WWP2: variants seen among roughly 807,000 people sequenced by gnomAD.
WWP2 encodes WW domain containing E3 ubiquitin protein ligase 2.
A neutral mutation model predicts 121.0 loss-of-function variants in WWP2; 57 were observed. That is an observed-to-expected ratio of 0.47 (90% confidence interval 0.38 to 0.59). The LOEUF (loss-of-function observed/expected upper bound fraction) is 0.59. Ranked by LOEUF, WWP2 falls within the 20% of genes least tolerant of loss-of-function variation. The pLI, the probability that WWP2 is intolerant of heterozygous loss-of-function variation, is 0.00. For synonymous variants in WWP2, 449 were observed against 441.3 expected (o/e 1.02, Z -0.22); for missense variants, 962 against 1,158.9 (o/e 0.83, Z 2.47).
At chr16:69,923,313 G>T (rs1402479628) in intron 10 of WWP2, among the ~76,000 whole-genome samples, 1 of 77,184 alleles carries the variant, frequency 1.3e-5, no homozygotes, top group African/African-American at 4.0e-5. Flanking sequence ...TGTGTGTGTT[G>T]GGGGGGTGGG....
chr16:69,806,050 A>T (rs979982579), intron 4 of WWP2, among the ~76,000 whole-genome samples: 1 of 151,932 alleles, frequency 6.6e-6, no homozygotes, highest in Non-Finnish European at 1.5e-5. Flanking sequence ...TTAAAAAAAA[A>T]ATTAGCCAGG....
At chr16:69,788,406 C>T (rs1490193601) in intron 2 of WWP2, among the ~76,000 whole-genome samples, 2 of 152,178 alleles carry the variant, frequency 1.3e-5, no homozygotes, top group Admixed American at 6.5e-5. Context: ...GAAGCCGAAG[C>T]TCCCATGTGA....
chr16:69,939,161 G>A (rs1449955987), intron 22 of WWP2, 38 bp downstream of exon 22: 1 of 1,576,528 alleles, frequency 6.3e-7, no homozygotes, highest in Non-Finnish European at 8.6e-7. Flanking sequence ...CTGGCTGGCA[G>A]TGCGGACAGC....
intron 6 of WWP2, among the ~76,000 whole-genome samples, chr16:69,871,425 G>A (rs942513359): frequency 6.6e-6 from 1 of 152,188 alleles, no homozygotes; most frequent in Non-Finnish European, 1.5e-5. Context: ...AGCTCTTCTT[G>A]CCTAATGGGG....
intron 7 of WWP2, among the ~76,000 whole-genome samples, chr16:69,886,450 A>AG (rs1271133839): frequency 6.6e-6 from 1 of 151,510 alleles, no homozygotes; most frequent in Non-Finnish European, 1.5e-5. Context: ...CCTCACATGA[A>AG]GAAAAAAAAA....
intron 6 of WWP2, 198 bp from the exon 7 acceptor site, chr16:69,871,606 G>A (rs1023802450): frequency 2.2e-5 from 14 of 630,444 alleles, no homozygotes; most frequent in Non-Finnish European, 3.6e-5. Flanking sequence ...GTTACCTTCT[G>A]AGCTTTTACC....
At chr16:69,875,964 A>T (rs570845761) in intron 7 of WWP2, among the ~76,000 whole-genome samples, 2 of 151,448 alleles carry the variant, frequency 1.3e-5, no homozygotes, top group African/African-American at 4.9e-5. Flanking sequence ...TTATTTTTTT[A>T]TTTTTTTGAG....
In WWP2 at chr16:69,797,916, G is replaced by C. The variant is rs150472150; in HGVS notation, c.71-766G>C. Among the ~76,000 whole-genome samples, 296 of 151,572 alleles carry C rather than the reference G, an allele frequency of 2.0e-3. 1 individual carries two copies. Among genetic ancestry groups the C allele is most frequent in the African/African-American group, 6.8e-3 (283 of 41,342 alleles). On this transcript the variant is annotated intron_variant, in intron 2 of 23. Coordinates refer to ENST00000359154, the MANE Select transcript of WWP2 (RefSeq NM_001270454.2). Reference sequence around the variant, plus strand: ...AAAAAAAAAAAAAATTATAAATTTTGTTATGTTCCCAGGCTGGTCTTGAAC... The same window carrying C: ...AAAAAAAAAAAAAATTATAAATTTTCTTATGTTCCCAGGCTGGTCTTGAAC...
intron 4 of WWP2, among the ~76,000 whole-genome samples, chr16:69,819,891 C>G (rs2056561994): frequency 1.3e-5 from 2 of 152,174 alleles, no homozygotes; most frequent in African/African-American, 4.8e-5. Context: ...CCCCTGGCAA[C>G]CACGAATCTA....
intron 4 of WWP2, among the ~76,000 whole-genome samples, chr16:69,819,797 A>G (rs534209341): frequency 2.0e-5 from 3 of 152,308 alleles, no homozygotes; most frequent in East Asian, 1.9e-4. Context: ...TTACTGAGTC[A>G]TGCAGTCATT....
rs2058335216 is a variant in WWP2, at chr16:69,908,677, A to T, written c.915-84A>T. 3 of 1,572,158 alleles carry T rather than the reference A, an allele frequency of 1.9e-6. No homozygotes were observed. In the Admixed American group the frequency reaches 5.4e-5, roughly 28 times the overall value. On this transcript the variant is annotated intron_variant, in intron 8 of 23. Transcript: ENST00000359154. ...TTGATGCTTCCTGTAAATTAGCCACATGAGTGATGAAGGTCTTCCTTTCTA... is the reference window on the plus strand; with the variant it reads ...TTGATGCTTCCTGTAAATTAGCCACTTGAGTGATGAAGGTCTTCCTTTCTA...
intron 1 of WWP2, among the ~76,000 whole-genome samples, chr16:69,763,321 A>G (rs192335331): frequency 2.3e-4 from 35 of 152,314 alleles, no homozygotes; most frequent in African/African-American, 6.3e-4. Context: ...GGTCTGTGTT[A>G]TGTTCCTTAG....
At chr16:69,818,860 C>A (rs894411054) in intron 4 of WWP2, among the ~76,000 whole-genome samples, 2 of 152,170 alleles carry the variant, frequency 1.3e-5, no homozygotes, top group African/African-American at 4.8e-5. Flanking sequence ...CAAGCACATC[C>A]AGCCTCCTTG....
chr16:69,813,816 G>C (rs2056440798), intron 4 of WWP2, among the ~76,000 whole-genome samples: 2 of 152,116 alleles, frequency 1.3e-5, no homozygotes, highest in Non-Finnish European at 2.9e-5. Context: ...TTGGCCAGTG[G>C]CTGCCTCTTC....
intron 1 of WWP2, among the ~76,000 whole-genome samples, chr16:69,783,678 G>A: frequency 6.6e-6 from 1 of 152,104 alleles, no homozygotes; most frequent in Non-Finnish European, 1.5e-5. Flanking sequence ...AGGCTTGGTG[G>A]CTCATGCTTG....
chr16:69,858,464 G>A (rs1370874497), intron 6 of WWP2, among the ~76,000 whole-genome samples: 5 of 152,052 alleles, frequency 3.3e-5, no homozygotes, highest in African/African-American at 1.2e-4. Context: ...GTTCCCTGGC[G>A]CCTTGACTCC....
chr16:69,798,974 C>G, intron 3 of WWP2, 145 bp downstream of exon 3: 2 of 1,357,534 alleles, frequency 1.5e-6, no homozygotes, highest in Non-Finnish European at 2.0e-6. Context: ...TTTAGGTGTT[C>G]CTACACCATT....
At chr16:69,803,646 A>G (rs1275803465) in intron 4 of WWP2, among the ~76,000 whole-genome samples, 1 of 152,210 alleles carries the variant, frequency 6.6e-6, no homozygotes, top group Admixed American at 6.6e-5. Flanking sequence ...GCAGTGACTT[A>G]CACATGTAAT....
At chr16:69,871,431 T>C (rs1184897279) in intron 6 of WWP2, among the ~76,000 whole-genome samples, 2 of 152,216 alleles carry the variant, frequency 1.3e-5, no homozygotes, top group African/African-American at 4.8e-5. Context: ...TCTTGCCTAA[T>C]GGGGGAAATA....
Sources: gnomAD v4.1 joint callset for allele counts (sites outside exome capture counted in the v4.1 genomes callset) on GRCh38, gnomAD v4.1.1 for gene constraint, MANE v1.5 for transcripts, NCBI Gene and HGNC (gene_info 2026-07-23, HGNC 2026-07-21) for gene names.